RP1: variants seen among roughly 807,000 people sequenced by gnomAD.
The protein encoded by RP1 is oxygen-regulated protein 1.
Under a neutral mutation model 14.8 loss-of-function variants are expected in RP1, and 16 were observed. The ratio of observed to expected loss-of-function variants is 1.08; its 90% CI spans 0.73 to 1.65. The LOEUF is 1.65. RP1 is among the 40% of genes most tolerant of loss of function. The probability of loss-of-function intolerance (pLI) is 0.00; values close to 1 mark genes in which losing one functional copy is unlikely to be tolerated. For synonymous variants in RP1, 876 were observed against 883.6 expected (o/e 0.99, Z 0.15); for missense variants, 2,631 against 2,535.0 (o/e 1.04, Z -0.81).
chr8:54,669,526 G>C (rs1427028584), intron 7 of RP1, among the ~76,000 whole-genome samples: 1 of 152,088 alleles, frequency 6.6e-6, no homozygotes, highest in Non-Finnish European at 1.5e-5. Flanking sequence ...CCCATTACTG[G>C]GTATATACCC....
At chr8:54,827,815 T>C (rs1026711164) in intron 24 of RP1, among the ~76,000 whole-genome samples, 4 of 152,168 alleles carry the variant, frequency 2.6e-5, no homozygotes, top group Middle Eastern at 3.4e-3. Context: ...GAAGAAGTGC[T>C]TGAACCGGGA....
intron 1 of RP1, among the ~76,000 whole-genome samples, chr8:54,566,190 T>G (rs544997973): frequency 6.6e-6 from 1 of 152,312 alleles, no homozygotes; most frequent in Non-Finnish European, 1.5e-5. Flanking sequence ...CATATGAATC[T>G]GGAGTGGAGC....
Position 54,625,775 on chromosome 8 carries a change from T to C in RP1, c.1893T>C (p.Ala631=). Residue 631 remains alanine, a synonymous_variant, in exon 4 of 4, where the codon GCT becomes GCC. Transcript: ENST00000220676. The part of the protein sequence containing the change: ...GTDKNISEAP[A]SEASSTVTAR... Reference sequence around the variant, plus strand: ...ACAAAAATATTTCTGAGGCTCCAGCTTCAGAAGCATCCTCTACTGTCACTG... The same window carrying C: ...ACAAAAATATTTCTGAGGCTCCAGCCTCAGAAGCATCCTCTACTGTCACTG... 1 of 1,613,598 alleles carries C rather than the reference T, an allele frequency of 6.2e-7. No homozygotes were observed. The highest frequency in any genetic ancestry group is 8.5e-7 in the Non-Finnish European group (1 of 1,179,982).
chr8:54,759,064 T>C (rs1048135827), exon 22 of RP1: 87 of 1,534,772 alleles, frequency 5.7e-5, no homozygotes, highest in Non-Finnish European at 7.5e-5. Context: ...GAGTCCATCT[T>C]TACCTGTCAA....
At chr8:54,565,592 C>A (rs1804385910) in intron 1 of RP1, among the ~76,000 whole-genome samples, 1 of 152,112 alleles carries the variant, frequency 6.6e-6, no homozygotes, top group Non-Finnish European at 1.5e-5. Context: ...GATTGCCTCA[C>A]CCTGCCATAG....
At chr8:54,860,325 G>A (rs773408239) in intron 27 of RP1, among the ~76,000 whole-genome samples, 3 of 152,086 alleles carry the variant, frequency 2.0e-5, no homozygotes, top group Non-Finnish European at 4.4e-5. Flanking sequence ...GGACAATAGT[G>A]AGATTCTCAA....
At chr8:54,661,070 T>C (rs1806879819) in intron 6 of RP1, among the ~76,000 whole-genome samples, 1 of 150,872 alleles carries the variant, frequency 6.6e-6, no homozygotes, top group Admixed American at 6.6e-5. Flanking sequence ...TCCCAGCACT[T>C]TGGGAGGCTA....
At chr8:54,652,200 G>T (rs1173629038) in intron 4 of RP1, among the ~76,000 whole-genome samples, 1 of 152,032 alleles carries the variant, frequency 6.6e-6, no homozygotes, top group Non-Finnish European at 1.5e-5. Context: ...TAGAGACAGG[G>T]TTTCACTGTG....
At chr8:54,718,344 T>C (rs763144066) in intron 15 of RP1, among the ~76,000 whole-genome samples, 3 of 152,044 alleles carry the variant, frequency 2.0e-5, no homozygotes, top group South Asian at 2.1e-4. Context: ...ATCAAGACAG[T>C]GTGTTATTGA....
At chr8:54,796,127 C>A (rs1052552677) in intron 24 of RP1, among the ~76,000 whole-genome samples, 1 of 152,126 alleles carries the variant, frequency 6.6e-6, no homozygotes, top group African/African-American at 2.4e-5. Context: ...AGTATTGGAA[C>A]CAGATATCCT....
chr8:54,673,653 T>C (rs1807229687), intron 7 of RP1, among the ~76,000 whole-genome samples: 1 of 152,080 alleles, frequency 6.6e-6, no homozygotes, highest in Non-Finnish European at 1.5e-5. Flanking sequence ...AGTAGGAGGA[T>C]CATTTGAGCC....
At chr8:54,708,132 A>G (rs1303807248) in intron 15 of RP1, among the ~76,000 whole-genome samples, 1 of 152,144 alleles carries the variant, frequency 6.6e-6, no homozygotes, top group African/African-American at 2.4e-5. Flanking sequence ...GAGTGTTCAG[A>G]ACCATGAGAT....
chr8:54,681,870 A>T (rs1807440980), intron 12 of RP1, among the ~76,000 whole-genome samples: 1 of 152,096 alleles, frequency 6.6e-6, no homozygotes, highest in Non-Finnish European at 1.5e-5. Flanking sequence ...AAAAGACATG[A>T]TCTCATTTCT....
intron 15 of RP1, among the ~76,000 whole-genome samples, chr8:54,708,549 C>T (rs186926707): frequency 4.6e-5 from 7 of 152,056 alleles, no homozygotes; most frequent in East Asian, 1.9e-4. Flanking sequence ...TTAGTAGAGA[C>T]GGTGTTTCAC....
At chr8:54,615,845 G>A (rs938891714), upstream of RP1, among the ~76,000 whole-genome samples, 1 of 152,214 alleles carries the variant, frequency 6.6e-6, no homozygotes. Flanking sequence ...GTTAAAAGTT[G>A]TCTGGGAGAG....
chr8:54,701,589 G>T (rs915217188), exon 14 of RP1: 1 of 1,535,580 alleles, frequency 6.5e-7, no homozygotes, highest in Non-Finnish European at 8.7e-7. Context: ...GTTTTTGATC[G>T]TCATGGCAAA....
At position 54,795,916 on chromosome 8, in the gene RP1, A is replaced by G. The variant is rs558540201; in HGVS notation, c.3615+12206A>G. ...GTTTTCCTTCTCTTTGCAAATCTTC[A>G]AAGTACTAACCCATACTCATTCCTT... On this transcript the variant is annotated intron_variant, in intron 24 of 28. Transcript: ENST00000637698. 4.3e-3 allele frequency among the ~76,000 whole-genome samples: 649 copies of G among 152,252 alleles called. 1 individual carries two copies. The highest frequency in any genetic ancestry group is 5.6e-3 in the Non-Finnish European group (384 of 68,006).
chr8:54,756,443 G>A (rs1563367357), intron 21 of RP1, among the ~76,000 whole-genome samples: 2 of 152,166 alleles, frequency 1.3e-5, no homozygotes, highest in South Asian at 4.1e-4. Flanking sequence ...CAGACTGTTT[G>A]TTGTAGTTTG....
Position 54,621,456 on chromosome 8 carries a change from C to G in RP1, c.490C>G (p.Pro164Ala), listed in dbSNP as rs1805871961. 6.2e-7 allele frequency: 1 copy of G among 1,613,986 alleles called. No homozygotes were observed. The highest frequency in any genetic ancestry group is 2.2e-5 in the East Asian group (1 of 44,848). ...CCTAGTGGTCTTCAGGAATGGCGAC[C>G]CGAAGACGAGGCGTGCGGTTCTTCT... is the stretch of plus-strand genomic sequence containing the variant. ...RSLVVFRNGD[P>A]KTRRAVLLSR... The change falls in exon 2 of 4, where the codon CCG becomes GCG. Residue 164 changes from proline (P) to alanine (A), a missense_variant. Coordinates refer to ENST00000220676, the MANE Select transcript of RP1 (RefSeq NM_006269.2).
Sources: gnomAD v4.1 joint callset for allele counts (sites outside exome capture counted in the v4.1 genomes callset) on GRCh38, gnomAD v4.1.1 for gene constraint, MANE v1.5 for transcripts, NCBI Gene and HGNC (gene_info 2026-07-23, HGNC 2026-07-21) for gene names.